Variants in EEF2K observed in about 807,000 individuals in gnomAD.
The protein encoded by EEF2K is eukaryotic elongation factor 2 kinase.
In EEF2K, 70 loss-of-function variants were observed where a neutral mutation model predicts 93.8. The ratio of observed to expected loss-of-function variants is 0.75; its 90% CI spans 0.62 to 0.91. EEF2K has a LOEUF of 0.91. Among genes scored for constraint, EEF2K ranks in the 40% least tolerant of loss-of-function variants. EEF2K has a pLI of 0.00. For missense variants in EEF2K, 935 were observed against 972.9 expected (o/e 0.96, Z 0.52); for synonymous variants, 376 against 380.8 (o/e 0.99, Z 0.15).
chr16:22,230,295 C>T (rs545116848), intron 2 of EEF2K, among the ~76,000 whole-genome samples: 3 of 152,070 alleles, frequency 2.0e-5, no homozygotes, highest in African/African-American at 7.2e-5. Context: ...CTCACTGCAA[C>T]CTCCACTTCC....
chr16:22,223,829 A>T (rs1001592819), intron 1 of EEF2K, among the ~76,000 whole-genome samples: 1 of 152,110 alleles, frequency 6.6e-6, no homozygotes, highest in Non-Finnish European at 1.5e-5. Context: ...GTAGAGAGAA[A>T]TACTGTAATC....
intron 1 of EEF2K, among the ~76,000 whole-genome samples, chr16:22,212,355 G>A (rs2046922911): frequency 6.7e-6 from 1 of 149,872 alleles, no homozygotes; most frequent in African/African-American, 2.5e-5. Flanking sequence ...ACAGAGTCTT[G>A]CTGTGTCACC....
rs1303976631 is a variant in EEF2K at position 22,241,649 on chromosome 16, A to C, written c.247-2981A>C. Among the ~76,000 whole-genome samples the C allele has an allele frequency of 1.9e-4, 29 of 151,480 alleles. 1 individual carries two copies. Among genetic ancestry groups the C allele is most frequent in the Admixed American group, 1.3e-3 (19 of 15,194 alleles). On this transcript the variant is annotated intron_variant, in intron 2 of 17. Coordinates refer to ENST00000263026, the MANE Select transcript of EEF2K (RefSeq NM_013302.5). ...GGGAGACTGTCTCAAAAAAAAAAAA[A>C]AAAAAAAAAAAAACATATAGAAGAT...
intron 1 of EEF2K, among the ~76,000 whole-genome samples, chr16:22,216,359 C>G (rs1299148243): frequency 6.6e-6 from 1 of 152,174 alleles, no homozygotes; most frequent in Non-Finnish European, 1.5e-5. Context: ...CAGTGTAGCA[C>G]CTGGTGTGCA....
In EEF2K at chr16:22,283,906, AG is replaced by A; in HGVS notation, c.2089del (p.Ala697GlnfsTer8). 6.3e-7 allele frequency: 1 copy of A among 1,598,244 alleles called. No homozygotes were observed. Among genetic ancestry groups the A allele is most frequent in the Non-Finnish European group, 8.5e-7 (1 of 1,172,598 alleles). ...QRSGDLYTQA[A>X]EAAMEAMKGR... ...TTTCAGGGGACTTGTATACCCAGGC[AG>A]CAGAGGCAGCGATGGAAGCCATGAA... On this transcript the variant is annotated frameshift_variant, in exon 18 of 18. Transcript: ENST00000263026. LOFTEE classifies it high-confidence loss of function.
intron 15 of EEF2K, among the ~76,000 whole-genome samples, chr16:22,271,666 C>T (rs1161517390): frequency 6.6e-6 from 1 of 151,524 alleles, no homozygotes; most frequent in Admixed American, 6.6e-5. Context: ...GATGGAGCCA[C>T]TGCACTCCAG....
chr16:22,227,451 G>A (rs1458724906), intron 2 of EEF2K, among the ~76,000 whole-genome samples: 1 of 151,954 alleles, frequency 6.6e-6, no homozygotes, highest in Non-Finnish European at 1.5e-5. Context: ...TCAAACTCCT[G>A]GCCTCAAGTG....
intron 11 of EEF2K, 42 bp downstream of exon 11, chr16:22,260,571 C>G: frequency 1.2e-6 from 2 of 1,612,310 alleles, no homozygotes; most frequent in Non-Finnish European, 1.7e-6. Context: ...CAGACCCCAG[C>G]AGGGGTAGGA....
At chr16:22,245,491 T>C (rs994868579) in intron 3 of EEF2K, among the ~76,000 whole-genome samples, 8 of 151,886 alleles carry the variant, frequency 5.3e-5, no homozygotes, top group African/African-American at 1.9e-4. Flanking sequence ...TTTTTCCCGG[T>C]GGAGGCATCA....
intron 16 of EEF2K, among the ~76,000 whole-genome samples, chr16:22,274,385 C>T (rs1325566335): frequency 6.7e-6 from 1 of 149,814 alleles, no homozygotes; most frequent in African/African-American, 2.5e-5. Context: ...CGGAGATTGC[C>T]GTGAGCCAAG....
At chr16:22,250,867 G>A (rs1053253528) in intron 5 of EEF2K, among the ~76,000 whole-genome samples, 176 bp downstream of exon 5, 2 of 152,156 alleles carry the variant, frequency 1.3e-5, no homozygotes, top group East Asian at 1.9e-4. Context: ...TGGCTGTGAC[G>A]ATGGGCTCAG....
At chr16:22,269,308 C>T (rs534938112) in intron 15 of EEF2K, among the ~76,000 whole-genome samples, 26 of 152,090 alleles carry the variant, frequency 1.7e-4, no homozygotes, top group Non-Finnish European at 2.4e-4. Flanking sequence ...CTCCATCTTT[C>T]CCTCGTGTCC....
At chr16:22,258,414 G>C in intron 9 of EEF2K, 80 bp from the exon 10 acceptor site, 1 of 1,468,070 alleles carries the variant, frequency 6.8e-7, no homozygotes. Context: ...GGGTTTCAGG[G>C]TTAGAGGGAA....
intron 1 of EEF2K, among the ~76,000 whole-genome samples, chr16:22,207,348 G>C (rs2046873548): frequency 1.3e-5 from 2 of 152,284 alleles, no homozygotes; most frequent in South Asian, 2.1e-4. Context: ...TGCCCAGGGG[G>C]ACGGTCCCAG....
At position 22,264,690 on chromosome 16, in the gene EEF2K, TTTCTGAGA is replaced by T. The variant is rs201736131; in HGVS notation, c.1378-126_1378-119del. On this transcript the variant is annotated intron_variant, in intron 12 of 17. Transcript: ENST00000263026. ...TGTCACCTGGGAACATAGGGCCAATTTTCTGAGATAAGGGTCACCTAGGAGGGCCAGGC... is the reference window on the plus strand; with the variant it reads ...TGTCACCTGGGAACATAGGGCCAATTTAAGGGTCACCTAGGAGGGCCAGGC... The T allele has an allele frequency of 4.7e-3, 4,478 of 943,522 alleles. 20 individuals are homozygous for T. The highest frequency in any genetic ancestry group is 7.0e-3 in the Admixed American group (291 of 41,496). The allele number at this position is 943,522 out of a possible 1,614,324, so 58.4% of individuals were successfully genotyped here. A position where few individuals can be genotyped will look rare whatever the true frequency, so the allele number is the denominator to read the frequency against.
intron 2 of EEF2K, among the ~76,000 whole-genome samples, chr16:22,233,370 G>GA (rs1456334833): frequency 2.0e-5 from 3 of 152,044 alleles, no homozygotes; most frequent in African/African-American, 7.2e-5. Context: ...ATTAAGGTGG[G>GA]AAATTTTATT....
Position 22,287,656 on chromosome 16 carries a change from A to G in EEF2K, c.*3660A>G, listed in dbSNP as rs1225674377. On this transcript the variant is annotated 3_prime_UTR_variant, in exon 18 of 18. Transcript: ENST00000263026. ...TCAGTTTTGCTATAGGCAAGAGAAT[A>G]AAATGAATGAATGGATAGGTGGCTT... is the stretch of plus-strand genomic sequence containing the variant. 1 of 152,186 alleles carries G rather than the reference A, an allele frequency of 6.6e-6. No individual in the cohort carries two copies. The highest frequency in any genetic ancestry group is 6.5e-5 in the Admixed American group (1 of 15,278). The allele number at this position is 152,186 out of a possible 1,614,324, so 9.4% of individuals were successfully genotyped here.
At chr16:22,260,167 G>C (rs1415469955) in intron 10 of EEF2K, among the ~76,000 whole-genome samples, 1 of 152,140 alleles carries the variant, frequency 6.6e-6, no homozygotes, top group Non-Finnish European at 1.5e-5. Flanking sequence ...AGGCACATAT[G>C]CTAATAAACA....
chr16:22,275,579 G>T (rs910638181), intron 16 of EEF2K, among the ~76,000 whole-genome samples: 5 of 151,836 alleles, frequency 3.3e-5, no homozygotes, highest in African/African-American at 1.2e-4. Context: ...CTAACCTCAG[G>T]CAGTCTACCT....
Sources: gnomAD v4.1 joint callset for allele counts (sites outside exome capture counted in the v4.1 genomes callset) on GRCh38, gnomAD v4.1.1 for gene constraint, MANE v1.5 for transcripts, NCBI Gene and HGNC (gene_info 2026-07-23, HGNC 2026-07-21) for gene names.